The following TMEM132C variants were observed in gnomAD, a reference collection of about 807,000 sequenced individuals.
TMEM132C encodes the protein protein phosphatase 1, regulatory subunit 152.
TMEM132C carries 29 observed loss-of-function variants against 61.4 expected under a neutral mutation model. The observed-to-expected ratio is 0.47, with a 90% CI of 0.35 to 0.64. The LOEUF (loss-of-function observed/expected upper bound fraction) is 0.64, where lower values mean the gene tolerates loss of function less well. Among genes scored for constraint, TMEM132C ranks in the 30% least tolerant of loss-of-function variants. TMEM132C has a pLI of 0.00. For synonymous variants in TMEM132C, 656 were observed against 633.1 expected, an observed-to-expected ratio of 1.04 and a Z score of -0.54; for missense variants, 1,408 against 1,476.9, an observed-to-expected ratio of 0.95 and a Z score of 0.76.
At chr12:128,318,508 G>A (rs1015563025) in intron 1 of TMEM132C, among the ~76,000 whole-genome samples, 2 of 152,194 alleles carry the variant, frequency 1.3e-5, no homozygotes, top group African/African-American at 4.8e-5. Flanking sequence ...ATGTGTTCTT[G>A]TGGTGCATGA....
intron 4 of TMEM132C, among the ~76,000 whole-genome samples, chr12:128,663,819 CACAT>C (rs1315419923): frequency 6.6e-6 from 1 of 152,068 alleles, no homozygotes; most frequent in Non-Finnish European, 1.5e-5. Flanking sequence ...CACATGCACC[CACAT>C]ACAGGCACAC....
intron 3 of TMEM132C, among the ~76,000 whole-genome samples, chr12:128,591,186 G>A (rs995777092): frequency 6.6e-6 from 1 of 152,134 alleles, no homozygotes; most frequent in Non-Finnish European, 1.5e-5. Context: ...CTGCAGAATT[G>A]CAGAACTATC....
intron 1 of TMEM132C, among the ~76,000 whole-genome samples, chr12:128,285,153 A>G (rs2135902615): frequency 6.6e-6 from 1 of 152,304 alleles, no homozygotes; most frequent in East Asian, 1.9e-4. Context: ...GTGAGGTAGG[A>G]GGGATAAGTT....
At chr12:128,585,041 G>A (rs1875489736) in intron 3 of TMEM132C, among the ~76,000 whole-genome samples, 1 of 152,248 alleles carries the variant, frequency 6.6e-6, no homozygotes, top group Admixed American at 6.5e-5. Flanking sequence ...CTTGAGTCCA[G>A]GAGGCATGCT....
chr12:128,616,882 C>CTGTTAG (rs1337320577), intron 4 of TMEM132C, among the ~76,000 whole-genome samples: 1 of 152,168 alleles, frequency 6.6e-6, no homozygotes, highest in Non-Finnish European at 1.5e-5. Flanking sequence ...TCTTAGATTA[C>CTGTTAG]TGTTAGTAGT....
At chr12:128,399,172 A>G (rs1470474809) in intron 1 of TMEM132C, among the ~76,000 whole-genome samples, 1 of 152,230 alleles carries the variant, frequency 6.6e-6, no homozygotes. Context: ...TGGGGGAAAA[A>G]TGCGGAAGAC....
intron 1 of TMEM132C, among the ~76,000 whole-genome samples, chr12:128,392,058 CTCTCTT>C (rs781493693): frequency 0.052 from 3,825 of 73,512 alleles, 244 homozygotes; most frequent in East Asian, 0.31. Flanking sequence ...CTCTGTCTCT[CTCTCTT>C]TCTCTCTCTC....
chr12:128,380,537 C>G (rs1203175485), intron 1 of TMEM132C, among the ~76,000 whole-genome samples: 1 of 152,232 alleles, frequency 6.6e-6, no homozygotes, highest in African/African-American at 2.4e-5. Context: ...GAAGTACAAT[C>G]CATTTTCATT....
At chr12:128,531,737 G>A (rs961101459) in intron 2 of TMEM132C, among the ~76,000 whole-genome samples, 2 of 152,174 alleles carry the variant, frequency 1.3e-5, no homozygotes, top group South Asian at 2.1e-4. Context: ...TTTGACAGGG[G>A]CAGAAAGTCT....
At chr12:128,395,306 T>TTATGTTA (rs61591090) in intron 1 of TMEM132C, among the ~76,000 whole-genome samples, 3,938 of 151,988 alleles carry the variant, frequency 0.026, 165 homozygotes, top group African/African-American at 0.09. Flanking sequence ...CATAATTGTT[T>TTATGTTA]TAGCATAAAT....
intron 1 of TMEM132C, among the ~76,000 whole-genome samples, chr12:128,357,951 G>A (rs1037759145): frequency 6.6e-6 from 1 of 151,784 alleles, no homozygotes; most frequent in Admixed American, 6.6e-5. Flanking sequence ...TGGAACACAC[G>A]GCCCCACCCT....
At chr12:128,529,063 G>A (rs977563093) in intron 2 of TMEM132C, among the ~76,000 whole-genome samples, 11 of 151,930 alleles carry the variant, frequency 7.2e-5, no homozygotes, top group Admixed American at 2.0e-4. Context: ...ATATCGTCTC[G>A]CCTTGCCCTG....
At chr12:128,304,539 G>A (rs1479679023) in intron 1 of TMEM132C, among the ~76,000 whole-genome samples, 8 of 152,092 alleles carry the variant, frequency 5.3e-5, no homozygotes, top group Non-Finnish European at 1.2e-4. Flanking sequence ...AACCCAGGAG[G>A]TGGAGGTTTC....
chr12:128,659,336 G>C (rs966600356), intron 4 of TMEM132C, among the ~76,000 whole-genome samples: 6 of 152,186 alleles, frequency 3.9e-5, no homozygotes, highest in African/African-American at 1.4e-4. Context: ...ACAGACACCT[G>C]CTCTCCCCAC....
At chr12:128,605,432 G>A (rs1214738233) in intron 3 of TMEM132C, among the ~76,000 whole-genome samples, 1 of 152,114 alleles carries the variant, frequency 6.6e-6, no homozygotes, top group African/African-American at 2.4e-5. Context: ...CACATTGTGG[G>A]GGGCCAAGGG....
chr12:128,406,023 G>C (rs1352550658), intron 1 of TMEM132C, among the ~76,000 whole-genome samples: 1 of 152,234 alleles, frequency 6.6e-6, no homozygotes, highest in Non-Finnish European at 1.5e-5. Flanking sequence ...TGCTCTAAAA[G>C]TATGCAAATG....
At chr12:128,446,474 A>G (rs1869984801) in intron 2 of TMEM132C, among the ~76,000 whole-genome samples, 1 of 152,178 alleles carries the variant, frequency 6.6e-6, no homozygotes, top group Non-Finnish European at 1.5e-5. Context: ...CAAATGCCAA[A>G]CTTTCCTGAT....
chr12:128,663,279 A>C (rs1011867995), intron 4 of TMEM132C, among the ~76,000 whole-genome samples: 8 of 152,138 alleles, frequency 5.3e-5, no homozygotes, highest in Non-Finnish European at 1.0e-4. Context: ...GACCACCACT[A>C]ATGCCGTTCT....
intron 1 of TMEM132C, among the ~76,000 whole-genome samples, chr12:128,284,429 A>G (rs1323532156): frequency 6.6e-6 from 1 of 152,224 alleles, no homozygotes; most frequent in African/African-American, 2.4e-5. Flanking sequence ...AAAGCAAATG[A>G]TTGGCAGAGT....
Sources: gnomAD v4.1 joint callset for allele counts (sites outside exome capture counted in the v4.1 genomes callset) on GRCh38, gnomAD v4.1.1 for gene constraint, MANE v1.5 for transcripts, NCBI Gene and HGNC (gene_info 2026-07-23, HGNC 2026-07-21) for gene names.